The following BMPER variants were observed in gnomAD, a reference collection of about 807,000 sequenced individuals.
BMPER encodes the protein BMP binding endothelial regulator.
Under a neutral mutation model 87.3 loss-of-function variants are expected in BMPER, and 45 were observed. That is an observed-to-expected ratio of 0.52 (90% CI 0.41 to 0.66). BMPER has a LOEUF of 0.66. BMPER is among the 30% of genes least tolerant of loss of function. The pLI is 0.00. For missense variants in BMPER, 784 were observed against 867.5 expected, an observed-to-expected ratio of 0.90 and a Z score of 1.21; for synonymous variants, 326 against 316.2, an observed-to-expected ratio of 1.03 and a Z score of -0.33.
intron 6 of BMPER, among the ~76,000 whole-genome samples, chr7:33,977,651 T>C (rs932404274): frequency 6.6e-6 from 1 of 152,128 alleles, no homozygotes; most frequent in African/African-American, 2.4e-5. Flanking sequence ...TAGAAAGATA[T>C]ATATAGAGAG....
At chr7:33,941,161 A>T (rs1419872908) in intron 3 of BMPER, among the ~76,000 whole-genome samples, 1 of 136,034 alleles carries the variant, frequency 7.4e-6, no homozygotes, top group Non-Finnish European at 1.5e-5. Context: ...TATAATTTAT[A>T]TATTATATAT....
chr7:33,905,482 C>T (rs1374998581), upstream of BMPER: 1 of 1,037,490 alleles, frequency 9.6e-7, no homozygotes, highest in Non-Finnish European at 1.3e-6. Flanking sequence ...AGCTCTCGGG[C>T]GCCCGCCTCC....
At chr7:34,013,423 T>G (rs1418044425) in intron 6 of BMPER, among the ~76,000 whole-genome samples, 3 of 151,852 alleles carry the variant, frequency 2.0e-5, no homozygotes, top group Non-Finnish European at 2.9e-5. Flanking sequence ...GAAGGCGTCC[T>G]AACCAGTCTC....
At chr7:33,962,267 A>G (rs960710246) in intron 3 of BMPER, among the ~76,000 whole-genome samples, 3 of 152,214 alleles carry the variant, frequency 2.0e-5, no homozygotes, top group African/African-American at 7.2e-5. Flanking sequence ...CTACAAGAAT[A>G]TGAATGTTAG....
At chr7:33,951,321 A>G (rs988606984) in intron 3 of BMPER, among the ~76,000 whole-genome samples, 1 of 152,012 alleles carries the variant, frequency 6.6e-6, no homozygotes, top group East Asian at 1.9e-4. Context: ...GTGCTGGGAT[A>G]ACAGGTGTGA....
At chr7:34,084,918 G>C (rs1205377470) in intron 12 of BMPER, among the ~76,000 whole-genome samples, 1 of 152,152 alleles carries the variant, frequency 6.6e-6, no homozygotes, top group Non-Finnish European at 1.5e-5. Context: ...AACCAAGAAG[G>C]GTCTAAGTTC....
chr7:34,070,171 T>G (rs1288185708), intron 11 of BMPER, among the ~76,000 whole-genome samples: 1 of 152,020 alleles, frequency 6.6e-6, no homozygotes, highest in Non-Finnish European at 1.5e-5. Flanking sequence ...CTCAGCTTCT[T>G]GGAGAACATG....
At chr7:34,037,831 G>C (rs77011971) in intron 6 of BMPER, among the ~76,000 whole-genome samples, 2,002 of 152,286 alleles carry the variant, frequency 0.013, 55 homozygotes, top group African/African-American at 0.046. Context: ...AACTAGACAT[G>C]GGTGCAGGAA....
At chr7:33,989,544 T>A (rs1009294193) in intron 6 of BMPER, among the ~76,000 whole-genome samples, 4 of 152,112 alleles carry the variant, frequency 2.6e-5, no homozygotes, top group African/African-American at 4.8e-5. Context: ...GGTTGCGAAA[T>A]TTTTCTCCCA....
Position 33,909,341 on chromosome 7 carries a change from T to C in BMPER, c.219+2438T>C, listed in dbSNP as rs144651053. On this transcript the variant is annotated intron_variant, in intron 2 of 14. Transcript: ENST00000649409. ...CAGCCTATTTGTTGAGTTAAAGATG[T>C]GAGAAAGTAAGGAGAAAATAGAAAG... Among the ~76,000 whole-genome samples, 506 of 152,244 alleles carry C rather than the reference T, an allele frequency of 3.3e-3. 2 individuals carry two copies. Among genetic ancestry groups the C allele is most frequent in the African/African-American group, 0.012 (484 of 41,550 alleles).
Position 34,094,254 on chromosome 7 carries a change from A to T in BMPER, c.1745+8162A>T, listed in dbSNP as rs1789468822. 2.6e-5 allele frequency among the ~76,000 whole-genome samples: 4 copies of T among 152,396 alleles called. No homozygotes were observed. In the South Asian group the frequency reaches 8.3e-4, roughly 32 times the overall value. On this transcript the variant is annotated intron_variant, in intron 13 of 14. Coordinates refer to ENST00000649409, the MANE Select transcript of BMPER (RefSeq NM_001365308.1). ...GGATGGCGATTTGGAACTTAGCAAG[A>T]GAGACAAAGCTCTTCCTTCAGAAAA...
At chr7:33,931,365 C>A (rs994074526) in intron 2 of BMPER, among the ~76,000 whole-genome samples, 1 of 152,178 alleles carries the variant, frequency 6.6e-6, no homozygotes, top group African/African-American at 2.4e-5. Context: ...CTGCTAGCTG[C>A]CTCTTTGAGG....
At chr7:33,945,030 C>A (rs1033948765) in intron 3 of BMPER, among the ~76,000 whole-genome samples, 2 of 152,080 alleles carry the variant, frequency 1.3e-5, no homozygotes, top group African/African-American at 2.4e-5. Context: ...CAAGCTCCAC[C>A]TCCTGGGTTC....
intron 13 of BMPER, among the ~76,000 whole-genome samples, chr7:34,111,225 G>A (rs1412448964): frequency 6.6e-6 from 1 of 152,226 alleles, no homozygotes; most frequent in Non-Finnish European, 1.5e-5. Context: ...GGAAATGAGA[G>A]ACTCAGTAGC....
At chr7:33,998,568 C>T (rs567383862) in intron 6 of BMPER, among the ~76,000 whole-genome samples, 26 of 152,296 alleles carry the variant, frequency 1.7e-4, no homozygotes, top group African/African-American at 6.3e-4. Flanking sequence ...GATTGGATTA[C>T]CTCCTCTAAC....
chr7:34,073,802 T>G (rs1158032859), intron 11 of BMPER, among the ~76,000 whole-genome samples: 1 of 152,226 alleles, frequency 6.6e-6, no homozygotes, highest in Non-Finnish European at 1.5e-5. Flanking sequence ...TGGTCAGTTT[T>G]GCTTTTGAAA....
intron 6 of BMPER, among the ~76,000 whole-genome samples, chr7:34,035,663 C>G (rs1025463112): frequency 1.3e-5 from 2 of 152,120 alleles, no homozygotes; most frequent in Non-Finnish European, 2.9e-5. Context: ...ACTGACAACC[C>G]AACAAGAAGG....
intron 6 of BMPER, among the ~76,000 whole-genome samples, chr7:33,979,799 A>G (rs73327171): frequency 0.027 from 4,097 of 152,290 alleles, 162 homozygotes; most frequent in African/African-American, 0.093. Flanking sequence ...TGTATACGCC[A>G]TGTGGCTTGT....
chr7:33,920,418 G>T (rs371937240), intron 2 of BMPER, among the ~76,000 whole-genome samples: 69 of 99,912 alleles, frequency 6.9e-4, no homozygotes, highest in Non-Finnish European at 9.6e-4. Context: ...AAACTCCGTT[G>T]TGTTTTTTTT....
Sources: allele counts gnomAD v4.1 joint callset (sites outside exome capture counted in the v4.1 genomes callset), GRCh38; gene constraint gnomAD v4.1.1; transcripts MANE v1.5; gene names NCBI Gene and HGNC (gene_info 2026-07-23, HGNC 2026-07-21).